Variants in TMEM132C observed in about 807,000 individuals in gnomAD.
TMEM132C encodes the protein transmembrane protein 132C.
Under a neutral mutation model 61.4 loss-of-function variants are expected in TMEM132C, and 29 were observed. The observed-to-expected ratio is 0.47, with a 90% CI of 0.35 to 0.64. TMEM132C has a LOEUF of 0.64. Among genes scored for constraint, TMEM132C ranks in the 30% least tolerant of loss-of-function variants. TMEM132C has a pLI of 0.00. For synonymous variants in TMEM132C, 656 were observed against 633.1 expected (o/e 1.04, Z -0.54); for missense variants, 1,408 against 1,476.9 (o/e 0.95, Z 0.76).
chr12:128,683,849 C>T (rs539410417), intron 5 of TMEM132C, among the ~76,000 whole-genome samples: 37 of 152,028 alleles, frequency 2.4e-4, no homozygotes, highest in Non-Finnish European at 5.0e-4. Flanking sequence ...GCCTGTCGTC[C>T]CAAGTACTTG....
intron 2 of TMEM132C, among the ~76,000 whole-genome samples, chr12:128,465,523 A>G (rs1870702846): frequency 6.6e-6 from 1 of 152,178 alleles, no homozygotes; most frequent in African/African-American, 2.4e-5. Flanking sequence ...CATTCACATG[A>G]GAGATACTCA....
chr12:128,532,802 C>T (rs2136137624), intron 2 of TMEM132C, among the ~76,000 whole-genome samples: 1 of 152,266 alleles, frequency 6.6e-6, no homozygotes, highest in East Asian at 1.9e-4. Flanking sequence ...GAGCTGTCTA[C>T]CCTCCGGTGA....
At chr12:128,414,338 C>T (rs1333511757) in intron 1 of TMEM132C, among the ~76,000 whole-genome samples, 1 of 152,176 alleles carries the variant, frequency 6.6e-6, no homozygotes, top group Non-Finnish European at 1.5e-5. Flanking sequence ...ATATGGACTT[C>T]ATTCATTGGC....
At chr12:128,396,514 A>G (rs12425262) in intron 1 of TMEM132C, among the ~76,000 whole-genome samples, 7,110 of 152,170 alleles carry the variant, frequency 0.047, 442 homozygotes, top group East Asian at 0.22. Context: ...TGGCACATGT[A>G]TACCTATATA....
chr12:128,558,360 G>A (rs1874400181), intron 3 of TMEM132C, among the ~76,000 whole-genome samples: 1 of 152,104 alleles, frequency 6.6e-6, no homozygotes, highest in Admixed American at 6.5e-5. Context: ...CATGGGGCTG[G>A]GCTTTTCCCA....
intron 4 of TMEM132C, among the ~76,000 whole-genome samples, chr12:128,625,076 G>T (rs986168600): frequency 6.6e-6 from 1 of 152,140 alleles, no homozygotes; most frequent in African/African-American, 2.4e-5. Flanking sequence ...ACCCTGCAGG[G>T]GTCCTGAGGT....
At chr12:128,551,741 C>T (rs1439074833) in intron 3 of TMEM132C, among the ~76,000 whole-genome samples, 4 of 152,132 alleles carry the variant, frequency 2.6e-5, no homozygotes, top group Non-Finnish European at 4.4e-5. Context: ...AAGCATCTTC[C>T]GCCTCCCCCT....
intron 1 of TMEM132C, among the ~76,000 whole-genome samples, chr12:128,365,756 T>C (rs1873846243): frequency 6.6e-6 from 1 of 152,130 alleles, no homozygotes; most frequent in Non-Finnish European, 1.5e-5. Flanking sequence ...CTCCGAATAG[T>C]GTCTGAGTTT....
At chr12:128,349,817 TCTC>T (rs1298055227) in intron 1 of TMEM132C, among the ~76,000 whole-genome samples, 4 of 152,080 alleles carry the variant, frequency 2.6e-5, no homozygotes, top group African/African-American at 7.2e-5. Flanking sequence ...GTAGGTAAAT[TCTC>T]CTCTTTTCTC....
chr12:128,659,132 A>G (rs778726158), intron 4 of TMEM132C, among the ~76,000 whole-genome samples: 1 of 152,196 alleles, frequency 6.6e-6, no homozygotes, highest in Non-Finnish European at 1.5e-5. Context: ...AAATATTTTC[A>G]GTTTTGCAGG....
intron 1 of TMEM132C, among the ~76,000 whole-genome samples, chr12:128,403,055 C>A (rs189963781): frequency 6.6e-6 from 1 of 152,088 alleles, no homozygotes; most frequent in Non-Finnish European, 1.5e-5. Context: ...AATTGCAAAC[C>A]GCGCTATGTA....
At chr12:128,404,195 T>G (rs1163851054) in intron 1 of TMEM132C, among the ~76,000 whole-genome samples, 1 of 152,216 alleles carries the variant, frequency 6.6e-6, no homozygotes, top group African/African-American at 2.4e-5. Context: ...GTGGATTATT[T>G]CAGGGGATGT....
At chr12:128,646,685 A>G (rs144921859) in intron 4 of TMEM132C, among the ~76,000 whole-genome samples, 82 of 151,876 alleles carry the variant, frequency 5.4e-4, no homozygotes, top group African/African-American at 1.9e-3. Flanking sequence ...ACTGGAGTCC[A>G]TCGGCGTTGG....
chr12:128,543,735 C>G (rs1873845142), intron 2 of TMEM132C, among the ~76,000 whole-genome samples: 1 of 152,108 alleles, frequency 6.6e-6, no homozygotes, highest in Non-Finnish European at 1.5e-5. Context: ...TTTCCTCCCC[C>G]TCAGAACCGG....
At chr12:128,704,186 C>T (rs1316709501) in intron 8 of TMEM132C, among the ~76,000 whole-genome samples, 2 of 152,138 alleles carry the variant, frequency 1.3e-5, no homozygotes, top group Non-Finnish European at 2.9e-5. Flanking sequence ...TTGCCATTTG[C>T]AGCAACATGG....
chr12:128,377,316 G>A (rs560642572), intron 1 of TMEM132C, among the ~76,000 whole-genome samples: 3 of 152,176 alleles, frequency 2.0e-5, no homozygotes, highest in Non-Finnish European at 4.4e-5. Flanking sequence ...GCCTCCCAAA[G>A]GGTTGGGATT....
intron 3 of TMEM132C, among the ~76,000 whole-genome samples, chr12:128,606,040 G>A (rs1876412523): frequency 6.6e-6 from 1 of 152,204 alleles, no homozygotes; most frequent in African/African-American, 2.4e-5. Context: ...GCAGCACTGG[G>A]AAGCCCACTG....
chr12:128,550,398 GCTCAAGCGATCCTCCT>G (rs2136154706), intron 3 of TMEM132C, among the ~76,000 whole-genome samples: 1 of 151,980 alleles, frequency 6.6e-6, no homozygotes, highest in South Asian at 2.1e-4. Flanking sequence ...GACTTCCTGG[GCTCAAGCGATCCTCCT>G]CTCAAGCGAT....
At chr12:128,423,830 G>A (rs1047843266) in intron 2 of TMEM132C, among the ~76,000 whole-genome samples, 1 of 151,812 alleles carries the variant, frequency 6.6e-6, no homozygotes, top group South Asian at 2.1e-4. Flanking sequence ...TCAGGAGATC[G>A]AGACCATCCT....
Sources: allele counts gnomAD v4.1 joint callset (sites outside exome capture counted in the v4.1 genomes callset), GRCh38; gene constraint gnomAD v4.1.1; transcripts MANE v1.5; gene names NCBI Gene and HGNC (gene_info 2026-07-23, HGNC 2026-07-21).